The following ZDHHC15 variants were observed in gnomAD, a reference collection of about 807,000 sequenced individuals.
ZDHHC15 encodes the protein zDHHC palmitoyltransferase 15.
A neutral mutation model predicts 31.7 loss-of-function variants in ZDHHC15; 19 were observed. The ratio of observed to expected loss-of-function variants is 0.60; its 90% CI spans 0.42 to 0.88. The LOEUF (loss-of-function observed/expected upper bound fraction) is 0.88. Ranked by LOEUF, ZDHHC15 falls within the 40% of genes least tolerant of loss-of-function variation. The pLI is 0.00. For missense variants in ZDHHC15, 209 were observed against 251.2 expected, an observed-to-expected ratio of 0.83 and a Z score of 1.14; for synonymous variants, 103 against 90.0, an observed-to-expected ratio of 1.14 and a Z score of -0.82.
At chrX:75,456,522 T>G (rs780463042) in intron 3 of ZDHHC15, among the ~76,000 whole-genome samples, 1 of 110,519 alleles carries the variant, frequency 9.0e-6, no homozygotes, top group East Asian at 2.9e-4. Flanking sequence ...CAAAAAAGAA[T>G]GGCAATAATT....
At chrX:75,468,538 A>C (rs2084450880) in intron 3 of ZDHHC15, among the ~76,000 whole-genome samples, 1 of 111,957 alleles carries the variant, frequency 8.9e-6, no homozygotes, top group East Asian at 2.8e-4. Context: ...GTTATGTATA[A>C]GTACTTGTTT....
At chrX:75,474,585 C>A (rs1478112178) in intron 3 of ZDHHC15, among the ~76,000 whole-genome samples, 35 of 8,803 alleles carry the variant, frequency 4.0e-3, no homozygotes, top group African/African-American at 4.9e-3. Flanking sequence ...CACACACACA[C>A]ACACACACAC....
chrX:75,469,311 C>T (rs1180545640), intron 3 of ZDHHC15, among the ~76,000 whole-genome samples: 2 of 111,748 alleles, frequency 1.8e-5, no homozygotes, highest in African/African-American at 6.5e-5. Flanking sequence ...ATTCACATTA[C>T]TGTTCCACCA....
At chrX:75,497,296 A>G (rs1056151493) in intron 2 of ZDHHC15, among the ~76,000 whole-genome samples, 8 of 111,650 alleles carry the variant, frequency 7.2e-5, no homozygotes, top group Admixed American at 3.8e-4. Flanking sequence ...AAGAAACAGA[A>G]TCTCTGAACA....
At chrX:75,427,697 C>T (rs949234719) in intron 7 of ZDHHC15, among the ~76,000 whole-genome samples, 2 of 110,986 alleles carry the variant, frequency 1.8e-5, no homozygotes, top group Non-Finnish European at 3.8e-5. Context: ...AATAATAATC[C>T]TGTGCTGTGG....
At chrX:75,517,743 T>G (rs185530515) in intron 1 of ZDHHC15, among the ~76,000 whole-genome samples, 2 of 108,747 alleles carry the variant, frequency 1.8e-5, no homozygotes, top group Non-Finnish European at 3.8e-5. Context: ...ATAATAATAA[T>G]AAAATTTTAA....
At chrX:75,470,188 T>C (rs2084481703) in intron 3 of ZDHHC15, among the ~76,000 whole-genome samples, 1 of 111,202 alleles carries the variant, frequency 9.0e-6, no homozygotes, top group Admixed American at 9.6e-5. Context: ...CCAGCGAATA[T>C]AAAGCAGGCA....
intron 10 of ZDHHC15, among the ~76,000 whole-genome samples, chrX:75,402,984 C>A (rs1179129154): frequency 9.0e-6 from 1 of 111,692 alleles, no homozygotes; most frequent in African/African-American, 3.3e-5. Context: ...TTGCAAAAAT[C>A]CTCAATAAAA....
intron 10 of ZDHHC15, among the ~76,000 whole-genome samples, chrX:75,401,676 A>C (rs2083359751): frequency 8.9e-6 from 1 of 112,366 alleles, no homozygotes; most frequent in Non-Finnish European, 1.9e-5. Context: ...GGTTCGATTC[A>C]ACAAGAAGAT....
intron 2 of ZDHHC15, among the ~76,000 whole-genome samples, chrX:75,493,097 G>C (rs1351520471): frequency 3.6e-5 from 4 of 111,393 alleles, no homozygotes; most frequent in African/African-American, 1.3e-4. Context: ...ATGATAAACG[G>C]GGTATCACCA....
intron 3 of ZDHHC15, among the ~76,000 whole-genome samples, chrX:75,452,988 GCAAA>G (rs2084149961): frequency 9.0e-6 from 1 of 111,586 alleles, no homozygotes; most frequent in African/African-American, 3.3e-5. Context: ...AGAAACAAGA[GCAAA>G]CAAATTCAAA....
intron 7 of ZDHHC15, among the ~76,000 whole-genome samples, chrX:75,425,087 G>A (rs1450483327): frequency 9.0e-6 from 1 of 110,724 alleles, no homozygotes; most frequent in African/African-American, 3.3e-5. Flanking sequence ...TAATTGGTAT[G>A]CAACCGCTTA....
intron 9 of ZDHHC15, among the ~76,000 whole-genome samples, 171 bp downstream of exon 9, chrX:75,421,693 T>C (rs2083643927): frequency 9.4e-6 from 1 of 106,030 alleles, no homozygotes; most frequent in African/African-American, 3.5e-5. Context: ...AGAATATCTA[T>C]TTTATCAGAC....
chrX:75,411,282 C>T (rs1033448591), intron 10 of ZDHHC15, among the ~76,000 whole-genome samples: 1 of 110,068 alleles, frequency 9.1e-6, no homozygotes, highest in Non-Finnish European at 1.9e-5. Context: ...GATCTCAGCT[C>T]ACTGCAAGCT....
chrX:75,503,909 C>T (rs1246008712), intron 2 of ZDHHC15, among the ~76,000 whole-genome samples: 1 of 110,958 alleles, frequency 9.0e-6, no homozygotes, highest in African/African-American at 3.3e-5. Flanking sequence ...CTGAAGGTTG[C>T]GGGCAATCCA....
chrX:75,459,836 A>G (rs2084283981), intron 3 of ZDHHC15, among the ~76,000 whole-genome samples: 1 of 112,471 alleles, frequency 8.9e-6, no homozygotes, highest in African/African-American at 3.2e-5. Context: ...ACAATGAAGG[A>G]CAGCTGCTTT....
intron 1 of ZDHHC15, among the ~76,000 whole-genome samples, chrX:75,517,503 T>C (rs1425535681): frequency 2.0e-5 from 2 of 99,714 alleles, no homozygotes; most frequent in Non-Finnish European, 4.0e-5. Context: ...AACCAAACAC[T>C]GCATGTTCTC....
chrX:75,478,978 G>T lies in ZDHHC15; in HGVS notation c.171C>A (p.Tyr57Ter). ...TVLSPAEKVI[Y>*]LILYHAIFVF... ...CAAAGATGGCATGGTAGAGTATGAG[G>T]TAAATAACTGAAATAAAAAAAAAAT... The change falls in exon 3 of 12, where the codon TAC (tyrosine) becomes TAA (stop). Residue 57 changes from tyrosine to a stop codon, truncating the protein, a stop_gained. Transcript: ENST00000373367. LOFTEE classifies it high-confidence loss of function. 8.6e-7 allele frequency: 1 copy of T among 1,166,277 alleles called. No homozygotes were observed. Among genetic ancestry groups the T allele is most frequent in the Non-Finnish European group, 1.2e-6 (1 of 866,926 alleles).
intron 8 of ZDHHC15, 46 bp downstream of exon 8, chrX:75,424,606 G>A: frequency 5.2e-6 from 6 of 1,150,170 alleles, no homozygotes; most frequent in Non-Finnish European, 6.9e-6. Context: ...AGGTCCCTCT[G>A]ATACACATTA....
Sources: allele counts gnomAD v4.1 joint callset (sites outside exome capture counted in the v4.1 genomes callset), GRCh38; gene constraint gnomAD v4.1.1; transcripts MANE v1.5; gene names NCBI Gene and HGNC (gene_info 2026-07-23, HGNC 2026-07-21).